Variants in ZFAND3 observed in about 807,000 individuals in gnomAD.
ZFAND3 encodes the protein zinc finger AN1-type containing 3.
A neutral mutation model predicts 29.6 loss-of-function variants in ZFAND3; 10 were observed. The observed-to-expected ratio is 0.34, with a 90% CI of 0.21 to 0.57. The LOEUF is 0.57. Ranked by LOEUF, ZFAND3 falls within the 20% of genes least tolerant of loss-of-function variation. The pLI, the probability that ZFAND3 is intolerant of heterozygous loss-of-function variation, is 0.86. For synonymous variants in ZFAND3, 128 were observed against 112.6 expected (o/e 1.14, Z -0.87); for missense variants, 230 against 304.5 (o/e 0.76, Z 1.82).
chr6:37,898,464 C>T (rs1307278625), intron 1 of ZFAND3, among the ~76,000 whole-genome samples: 1 of 152,118 alleles, frequency 6.6e-6, no homozygotes, highest in African/African-American at 2.4e-5. Flanking sequence ...TATTATTCTT[C>T]ATGATTGTCT....
chr6:37,843,622 A>G (rs1308156143), intron 1 of ZFAND3, among the ~76,000 whole-genome samples: 1 of 152,208 alleles, frequency 6.6e-6, no homozygotes, highest in Admixed American at 6.5e-5. Flanking sequence ...TATGCGGTCC[A>G]CATTATTCCT....
intron 3 of ZFAND3, among the ~76,000 whole-genome samples, chr6:38,078,756 A>C (rs1189874601): frequency 6.6e-6 from 1 of 152,194 alleles, no homozygotes; most frequent in Non-Finnish European, 1.5e-5. Flanking sequence ...TATCTATAGA[A>C]CCCACAATCA....
At chr6:38,003,736 G>T (rs1317595907) in intron 2 of ZFAND3, 2 of 429,620 alleles carry the variant, frequency 4.7e-6, no homozygotes, top group Non-Finnish European at 9.3e-6. Flanking sequence ...GAACTCCTGA[G>T]CTCAAGTGAT....
At chr6:37,911,318 C>T (rs951473337) in intron 1 of ZFAND3, among the ~76,000 whole-genome samples, 2 of 152,026 alleles carry the variant, frequency 1.3e-5, no homozygotes, top group Admixed American at 6.6e-5. Flanking sequence ...TTTTGTGTAC[C>T]TGTTAGCTAT....
At chr6:37,833,306 A>G (rs1237774420) in intron 1 of ZFAND3, 1 of 152,198 alleles carries the variant, frequency 6.6e-6, no homozygotes, top group Non-Finnish European at 1.5e-5. Flanking sequence ...CTGTGTAACC[A>G]GAAATAGCTA....
At chr6:38,149,256 A>G (rs1258527327) in intron 5 of ZFAND3, among the ~76,000 whole-genome samples, 1 of 151,908 alleles carries the variant, frequency 6.6e-6, no homozygotes, top group East Asian at 1.9e-4. Context: ...AAAATAAAGT[A>G]TAAAAAAACA....
At chr6:37,995,153 A>G (rs965162543) in intron 2 of ZFAND3, among the ~76,000 whole-genome samples, 1 of 152,228 alleles carries the variant, frequency 6.6e-6, no homozygotes, top group South Asian at 2.1e-4. Flanking sequence ...TGCCATGTCA[A>G]GGCAGCTGCT....
intron 2 of ZFAND3, among the ~76,000 whole-genome samples, chr6:37,945,359 A>C (rs1450039023): frequency 2.0e-5 from 3 of 152,176 alleles, no homozygotes; most frequent in Non-Finnish European, 2.9e-5. Context: ...GAGGCAGATA[A>C]TTTTGGACAA....
rs2145885 is a variant in ZFAND3, at chr6:38,125,258, A to G, written c.529+8519A>G. Among the ~76,000 whole-genome samples, 140 of 152,310 alleles carry G rather than the reference A, an allele frequency of 9.2e-4. 5 individuals carry two copies. In the South Asian group the frequency reaches 0.027, roughly 30 times the overall value. Reference sequence around the variant, plus strand: ...TGTAAGTGTTCCAGTCTAAAACCAGATAGATTAGTCCCTCTGCTGCTCCTC... The same window carrying G: ...TGTAAGTGTTCCAGTCTAAAACCAGGTAGATTAGTCCCTCTGCTGCTCCTC... On this transcript the variant is annotated intron_variant, in intron 5 of 5. Coordinates refer to ENST00000287218, the MANE Select transcript of ZFAND3 (RefSeq NM_021943.3).
intron 1 of ZFAND3, among the ~76,000 whole-genome samples, chr6:37,833,824 CAAA>C (rs55733520): frequency 2.4e-4 from 16 of 68,006 alleles, no homozygotes; most frequent in Admixed American, 3.5e-4. Flanking sequence ...GACACTGTCT[CAAA>C]AAAAAAAAAA....
chr6:37,984,700 G>A (rs1248535530), intron 2 of ZFAND3, among the ~76,000 whole-genome samples: 1 of 152,198 alleles, frequency 6.6e-6, no homozygotes, highest in South Asian at 2.1e-4. Flanking sequence ...CTACATTCCA[G>A]CATCCAGGTG....
At chr6:38,047,692 G>C (rs1763931536) in intron 2 of ZFAND3, among the ~76,000 whole-genome samples, 1 of 152,158 alleles carries the variant, frequency 6.6e-6, no homozygotes, top group Non-Finnish European at 1.5e-5. Flanking sequence ...TTTAAGAGCT[G>C]TTAGGTGGTT....
chr6:38,009,426 GAGCC>G (rs1763107925), intron 2 of ZFAND3, among the ~76,000 whole-genome samples: 2 of 152,210 alleles, frequency 1.3e-5, no homozygotes, highest in South Asian at 4.1e-4. Context: ...GGTTAGAAGA[GAGCC>G]AGTGTTTATT....
intron 3 of ZFAND3, among the ~76,000 whole-genome samples, chr6:38,066,790 A>G (rs1200879640): frequency 6.6e-6 from 1 of 152,232 alleles, no homozygotes; most frequent in Non-Finnish European, 1.5e-5. Context: ...TGACAAAAGT[A>G]TGTAAAACTT....
intron 1 of ZFAND3, among the ~76,000 whole-genome samples, chr6:37,920,052 C>CTTTTTTTT (rs11389241): frequency 3.2e-5 from 3 of 93,406 alleles, no homozygotes; most frequent in Admixed American, 1.3e-4. Context: ...TTTTTTGAAG[C>CTTTTTTTT]TTTTTTTTTT....
chr6:37,845,002 C>T (rs796363892), intron 1 of ZFAND3, among the ~76,000 whole-genome samples: 8 of 148,118 alleles, frequency 5.4e-5, no homozygotes, highest in African/African-American at 1.5e-4. Flanking sequence ...CCAGCCTGGG[C>T]GACAGAGCAA....
Position 38,148,191 on chromosome 6 carries a change from TGAGCACCATTTATTGAA to T in ZFAND3, c.530-4040_530-4024del, listed in dbSNP as rs1766148510. Among the ~76,000 whole-genome samples, 3 of 152,216 alleles carry T rather than the reference TGAGCACCATTTATTGAA, an allele frequency of 2.0e-5. 1 individual carries two copies. The South Asian group carries it at 6.2e-4, about 31-fold the overall frequency. ...TTCTGCATGTAGCAGGCCAATTCTCTGAGCACCATTTATTGAAGAGGATTTCCTCTTCCCAGTGTAAG... is the reference window on the plus strand; with the variant it reads ...TTCTGCATGTAGCAGGCCAATTCTCTGAGGATTTCCTCTTCCCAGTGTAAG... On this transcript the variant is annotated intron_variant, in intron 5 of 5. Coordinates refer to ENST00000287218, the MANE Select transcript of ZFAND3 (RefSeq NM_021943.3).
chr6:37,830,754 C>G (rs2127367786), intron 1 of ZFAND3, among the ~76,000 whole-genome samples: 1 of 152,276 alleles, frequency 6.6e-6, no homozygotes, highest in East Asian at 1.9e-4. Context: ...TCCTCTTTCC[C>G]CCATGCCTGG....
intron 2 of ZFAND3, among the ~76,000 whole-genome samples, chr6:38,056,445 G>A (rs1764136151): frequency 6.6e-6 from 1 of 152,198 alleles, no homozygotes; most frequent in African/African-American, 2.4e-5. Flanking sequence ...ATCTAGAAGT[G>A]GGATTGGGGG....
Sources: gnomAD v4.1 joint callset for allele counts (sites outside exome capture counted in the v4.1 genomes callset) on GRCh38, gnomAD v4.1.1 for gene constraint, MANE v1.5 for transcripts, NCBI Gene and HGNC (gene_info 2026-07-23, HGNC 2026-07-21) for gene names.